The following DCAKD variants were observed in gnomAD, a reference collection of about 807,000 sequenced individuals.
The protein encoded by DCAKD is dephospho-CoA kinase domain-containing protein.
Under a neutral mutation model 18.7 loss-of-function variants are expected in DCAKD, and 15 were observed. The ratio of observed to expected loss-of-function variants is 0.80; its 90% CI spans 0.54 to 1.24. The LOEUF is 1.24. DCAKD is among the 50% of genes most tolerant of loss of function. DCAKD has a pLI of 0.00. For missense variants in DCAKD, 301 were observed against 322.0 expected (o/e 0.93, Z 0.50); for synonymous variants, 130 against 133.0 (o/e 0.98, Z 0.16).
chr17:45,045,691 C>T (rs2053550662), intron 1 of DCAKD, among the ~76,000 whole-genome samples: 1 of 148,674 alleles, frequency 6.7e-6, no homozygotes, highest in African/African-American at 2.5e-5. Context: ...GAGATCGCAC[C>T]ACTGCGCTCC....
rs746818832 is a variant in DCAKD at position 45,034,274 on chromosome 17, G to T, written c.229C>A (p.Pro77Thr). Residue 77 changes from proline to threonine, a missense_variant, in exon 3 of 5, where the codon CCT (proline) becomes ACT (threonine). By Grantham distance (38) the Pro-to-Thr change is conservative (BLOSUM62 -1). Coordinates refer to ENST00000651974, the MANE Select transcript of DCAKD (RefSeq NM_001288655.2). ...GCGTTGAGCAGCTGCCGCCGGTCAG[G>T]CTGGTTAAAGATCAGGTCCCCCAGG... ...KVLGDLIFNQ[P>T]DRRQLLNAIT... 3.1e-6 allele frequency: 5 copies of T among 1,614,202 alleles called. No individual in the cohort carries two copies. The highest frequency in any genetic ancestry group is 4.2e-6 in the Non-Finnish European group (5 of 1,180,046).
At chr17:45,055,499 C>A (rs1259374981), upstream of DCAKD, among the ~76,000 whole-genome samples, 2 of 152,082 alleles carry the variant, frequency 1.3e-5, no homozygotes, top group African/African-American at 4.8e-5. Flanking sequence ...TCTCAGCCTC[C>A]CACTGAATAG....
At chr17:45,031,276 A>G in intron 3 of DCAKD, 1 of 985,238 alleles carries the variant, frequency 1.0e-6, no homozygotes. Context: ...CCTGTTCCCC[A>G]AGACCTGCTG....
At chr17:45,061,085 T>A in exon 1 of DCAKD, 1 of 1,297,326 alleles carries the variant, frequency 7.7e-7, no homozygotes. Flanking sequence ...CTTGCGCCCC[T>A]TCTTTCCTCA....
chr17:45,024,455 T>C lies in DCAKD; in HGVS notation c.674A>G (p.His225Arg), dbSNP rs1003566176. 7 of 1,609,556 alleles carry C rather than the reference T, an allele frequency of 4.3e-6. No homozygotes were observed. The highest frequency in any genetic ancestry group is 6.0e-6 in the Non-Finnish European group (7 of 1,176,370). Residue 225 changes from histidine to arginine, a missense_variant, in exon 5 of 5, where the codon CAC becomes CGC. His to Arg is a conservative substitution (Grantham distance 29). Transcript: ENST00000651974. ...AIASLLYLLT[H>R]YLLPYA ...CCACTAGGCGTAAGGCAGAAGGTAG[T>C]GGGTGAGCAGGTAGAGGAGGCTGGC... is the stretch of plus-strand genomic sequence containing the variant.
intron 1 of DCAKD, among the ~76,000 whole-genome samples, chr17:45,046,709 C>T (rs1032343864): frequency 2.0e-5 from 3 of 151,050 alleles, no homozygotes; most frequent in Admixed American, 6.6e-5. Context: ...TTAGGTGATG[C>T]GTGAAGATTT....
intron 1 of DCAKD, among the ~76,000 whole-genome samples, chr17:45,048,859 G>C (rs1437582461): frequency 6.6e-6 from 1 of 151,654 alleles, no homozygotes; most frequent in Non-Finnish European, 1.5e-5. Context: ...CACAAGGGCT[G>C]TTCTGCCTAT....
intron 4 of DCAKD, among the ~76,000 whole-genome samples, chr17:45,027,028 C>T (rs1007037945): frequency 6.6e-6 from 1 of 152,250 alleles, no homozygotes; most frequent in East Asian, 1.9e-4. Flanking sequence ...CCACTTATTC[C>T]ACAATTGACA....
At chr17:45,049,654 T>C (rs2053645188) in intron 1 of DCAKD, among the ~76,000 whole-genome samples, 1 of 151,692 alleles carries the variant, frequency 6.6e-6, no homozygotes, top group Admixed American at 6.6e-5. Flanking sequence ...AATGTGAAAG[T>C]TTCAATCTAA....
intron 1 of DCAKD, among the ~76,000 whole-genome samples, chr17:45,059,007 G>A (rs935306448): frequency 2.6e-5 from 4 of 152,118 alleles, no homozygotes; most frequent in Non-Finnish European, 2.9e-5. Flanking sequence ...TTGGGAGGCC[G>A]AGGCGGGCAG....
chr17:45,054,418 T>G (rs188851661), upstream of DCAKD, among the ~76,000 whole-genome samples: 1 of 152,238 alleles, frequency 6.6e-6, no homozygotes, highest in East Asian at 1.9e-4. Flanking sequence ...AGGCTAATTT[T>G]TACATTTTTA....
intron 1 of DCAKD, among the ~76,000 whole-genome samples, chr17:45,040,862 TCA>T (rs1169035885): frequency 6.6e-6 from 1 of 152,138 alleles, no homozygotes; most frequent in Non-Finnish European, 1.5e-5. Context: ...AAATTGCCTC[TCA>T]GTTTTTACTT....
In DCAKD at chr17:45,024,677, T is replaced by C; in HGVS notation, c.452A>G (p.Asn151Ser). ...LARLMRRNSL[N>S]RKDAEARINA... ...GATGCGGGCCTCTGCGTCCTTGCGGTTCAGGCTGTTCCGCCGCATCAGCCG... is the reference window on the plus strand; with the variant it reads ...GATGCGGGCCTCTGCGTCCTTGCGGCTCAGGCTGTTCCGCCGCATCAGCCG... Residue 151 changes from asparagine to serine, a missense_variant, in exon 5 of 5, where the codon AAC becomes AGC. Physicochemically the swap from Asn to Ser is conservative, Grantham distance 46 (BLOSUM62 1). Coordinates refer to ENST00000651974, the MANE Select transcript of DCAKD (RefSeq NM_001288655.2). 2 of 1,602,112 alleles carry C rather than the reference T, an allele frequency of 1.2e-6. No individual in the cohort carries two copies. Among genetic ancestry groups the C allele is most frequent in the Non-Finnish European group, 1.7e-6 (2 of 1,170,842 alleles).
At chr17:45,034,524 A>G in intron 2 of DCAKD, 134 bp from the exon 3 acceptor site, 1 of 1,047,644 alleles carries the variant, frequency 9.5e-7, no homozygotes, top group Non-Finnish European at 1.4e-6. Context: ...ATGAGGGTAG[A>G]GAAAGCAGTG....
chr17:45,058,367 A>T (rs1025465543), intron 1 of DCAKD, among the ~76,000 whole-genome samples: 2 of 152,072 alleles, frequency 1.3e-5, no homozygotes, highest in Non-Finnish European at 2.9e-5. Context: ...CTTTTATTTT[A>T]TTATTGTAAT....
chr17:45,024,569 C>A lies in DCAKD; in HGVS notation c.560G>T (p.Arg187Leu), dbSNP rs373341804. Residue 187 changes from arginine to leucine, a missense_variant, in exon 5 of 5, where the codon CGC (arginine) becomes CTC (leucine). Arg to Leu is a moderately radical substitution (Grantham distance 102). Coordinates refer to ENST00000651974, the MANE Select transcript of DCAKD (RefSeq NM_001288655.2). ...DNSGEWSVTK[R>L]QVILLHTELE... ...CTCAGTGTGCAAGAGGATGACCTGG[C>A]GTTTGGTGACACTCCACTCGCCCGA... 1.2e-6 allele frequency: 2 copies of A among 1,614,156 alleles called. No individual in the cohort carries two copies. The highest frequency in any genetic ancestry group is 1.7e-5 in the Admixed American group (1 of 60,024).
intron 1 of DCAKD, among the ~76,000 whole-genome samples, chr17:45,057,376 G>A (rs1179468854): frequency 6.6e-6 from 1 of 151,630 alleles, no homozygotes; most frequent in Non-Finnish European, 1.5e-5. Flanking sequence ...GCAGAACCGG[G>A]CCAGCTTTTC....
At chr17:45,042,091 G>A (rs1221290865) in intron 1 of DCAKD, among the ~76,000 whole-genome samples, 1 of 152,020 alleles carries the variant, frequency 6.6e-6, no homozygotes, top group African/African-American at 2.4e-5. Context: ...ACTCCAGCCT[G>A]GGTGCAGAAT....
At chr17:45,058,174 G>A (rs1270695128) in intron 1 of DCAKD, among the ~76,000 whole-genome samples, 1 of 151,814 alleles carries the variant, frequency 6.6e-6, no homozygotes, top group East Asian at 1.9e-4. Context: ...AATTAGCCAG[G>A]CATGGGGGTG....
Sources: allele counts gnomAD v4.1 joint callset (sites outside exome capture counted in the v4.1 genomes callset), GRCh38; gene constraint gnomAD v4.1.1; transcripts MANE v1.5; gene names NCBI Gene and HGNC (gene_info 2026-07-23, HGNC 2026-07-21).